Variants in CEP57L1 observed in about 807,000 individuals in gnomAD.
CEP57L1 encodes the protein centrosomal protein 57 like 1.
A neutral mutation model predicts 61.0 loss-of-function variants in CEP57L1; 37 were observed. That is an observed-to-expected ratio of 0.61 (90% CI 0.47 to 0.80). The LOEUF is 0.80. Among genes scored for constraint, CEP57L1 ranks in the 30% least tolerant of loss-of-function variants. CEP57L1 has a pLI of 0.00. For synonymous variants in CEP57L1, 137 were observed against 162.3 expected (o/e 0.84, Z 1.19); for missense variants, 422 against 524.7 (o/e 0.80, Z 1.91).
At chr6:109,121,386 A>G (rs2114699595) in intron 1 of CEP57L1, among the ~76,000 whole-genome samples, 1 of 152,334 alleles carries the variant, frequency 6.6e-6, no homozygotes, top group East Asian at 1.9e-4. Context: ...GTATGTTTGA[A>G]TTAAGAAAAG....
chr6:109,150,395 A>G (rs978618815), intron 4 of CEP57L1, among the ~76,000 whole-genome samples, 156 bp downstream of exon 4: 2 of 152,208 alleles, frequency 1.3e-5, no homozygotes, highest in Non-Finnish European at 2.9e-5. Context: ...GGAAAGGAAA[A>G]TGGGGAAAAG....
At chr6:109,118,595 T>C (rs1772582516) in intron 1 of CEP57L1, among the ~76,000 whole-genome samples, 1 of 152,212 alleles carries the variant, frequency 6.6e-6, no homozygotes. Flanking sequence ...AACGTCACTG[T>C]AGTTAACATA....
chr6:109,131,513 C>A (rs1171092667), intron 1 of CEP57L1, among the ~76,000 whole-genome samples: 2 of 151,450 alleles, frequency 1.3e-5, no homozygotes, highest in Non-Finnish European at 2.9e-5. Context: ...TTTTTTGAAG[C>A]CTAAGTATCA....
chr6:109,113,231 T>C (rs1771882722), intron 1 of CEP57L1, among the ~76,000 whole-genome samples: 1 of 152,188 alleles, frequency 6.6e-6, no homozygotes, highest in Non-Finnish European at 1.5e-5. Flanking sequence ...TCTTTATTTC[T>C]TTAAGCCAAT....
rs1315732133 is a variant in CEP57L1 at position 109,100,628 on chromosome 6, T to C, written c.-4+5053T>C. Among the ~76,000 whole-genome samples the C allele has an allele frequency of 7.2e-5, 10 of 138,094 alleles. No individual in the cohort carries two copies. The Admixed American group carries it at 7.6e-4, about 11-fold the overall frequency. The allele number at this position is 138,094 out of a possible 152,430, so 90.6% of individuals were successfully genotyped here. On this transcript the variant is annotated intron_variant, in intron 1 of 10. Coordinates refer to ENST00000517392, the MANE Select transcript of CEP57L1 (RefSeq NM_001271852.3). ...AGGCAGAGGTTGCAGTGAGCTGAGA[T>C]CGTTCCATTGCACTCTAGCCTGAGT...
In CEP57L1 at chr6:109,163,032, G is replaced by C. The variant is rs986708885; in HGVS notation, c.*62G>C. On this transcript the variant is annotated 3_prime_UTR_variant, in exon 11 of 11. Coordinates refer to ENST00000517392, the MANE Select transcript of CEP57L1 (RefSeq NM_001271852.3). ...AGTGAGACCTTGAATTGTCTAAAGT[G>C]GTTTTAATTTAATATAACTTTGTGA... is the stretch of plus-strand genomic sequence containing the variant. The C allele has an allele frequency of 9.8e-7, 1 of 1,023,348 alleles. No individual in the cohort carries two copies. Among genetic ancestry groups the C allele is most frequent in the Non-Finnish European group, 1.5e-6 (1 of 680,112 alleles). 63.4% of individuals were successfully genotyped at this position (1,023,348 alleles called of 1,614,324 possible).
intron 1 of CEP57L1, among the ~76,000 whole-genome samples, chr6:109,116,655 A>G (rs559772177): frequency 4.6e-5 from 7 of 152,316 alleles, no homozygotes; most frequent in Non-Finnish European, 7.4e-5. Flanking sequence ...GACTGGAGAA[A>G]TAATCTCAAG....
chr6:109,128,747 C>T (rs960380652), intron 1 of CEP57L1, among the ~76,000 whole-genome samples: 2 of 152,288 alleles, frequency 1.3e-5, no homozygotes, highest in South Asian at 2.1e-4. Flanking sequence ...GATCTATCAT[C>T]GTTCTCAATG....
At chr6:109,149,648 C>A (rs1398163306) in intron 3 of CEP57L1, among the ~76,000 whole-genome samples, 1 of 151,964 alleles carries the variant, frequency 6.6e-6, no homozygotes, top group East Asian at 1.9e-4. Flanking sequence ...TTTTCCAATT[C>A]TGTGAAGAAA....
chr6:109,145,193 C>CTATAT (rs111239236), intron 1 of CEP57L1, 26 bp from the exon 2 acceptor site: 488,667 of 1,376,914 alleles, frequency 0.35, 95,820 homozygotes, highest in African/African-American at 0.76. Context: ...AAGCATGATA[C>CTATAT]TATATCATTC....
rs1774075281 is a variant in CEP57L1, at chr6:109,165,967, A to G, written c.*2997A>G. ...TGTAATTAGAAATTGAAATAATGGA[A>G]TTGGAATTTTCTAGCCAAGGCAGGT... is the stretch of plus-strand genomic sequence containing the variant. On this transcript the variant is annotated 3_prime_UTR_variant, in exon 11 of 11. Coordinates refer to ENST00000517392, the MANE Select transcript of CEP57L1 (RefSeq NM_001271852.3). The G allele has an allele frequency of 6.6e-6, 1 of 152,228 alleles. No homozygotes were observed. The highest frequency in any genetic ancestry group is 2.4e-5 in the African/African-American group (1 of 41,458). The allele number at this position is 152,228 out of a possible 1,614,324, so 9.4% of individuals were successfully genotyped here.
At chr6:109,153,973 C>A in intron 5 of CEP57L1, 24 bp downstream of exon 5, 2 of 1,176,054 alleles carry the variant, frequency 1.7e-6, no homozygotes, top group African/African-American at 1.5e-5. Flanking sequence ...GAAGTGATGA[C>A]AACAGGAATG....
At chr6:109,132,866 C>T (rs557077391) in intron 1 of CEP57L1, among the ~76,000 whole-genome samples, 93 of 152,110 alleles carry the variant, frequency 6.1e-4, no homozygotes, top group Non-Finnish European at 1.2e-3. Context: ...GGTTGAGCAT[C>T]TTTTCCTATA....
At chr6:109,126,994 C>T (rs973274521) in intron 1 of CEP57L1, among the ~76,000 whole-genome samples, 3 of 151,962 alleles carry the variant, frequency 2.0e-5, no homozygotes, top group Non-Finnish European at 1.5e-5. Flanking sequence ...GGTGAAACCC[C>T]GTCTCTACTA....
At chr6:109,154,821 A>G (rs1253278192) in intron 5 of CEP57L1, among the ~76,000 whole-genome samples, 1 of 152,078 alleles carries the variant, frequency 6.6e-6, no homozygotes, top group Non-Finnish European at 1.5e-5. Flanking sequence ...TCTTCTCCCA[A>G]AAGTACACTC....
In CEP57L1 at chr6:109,174,151, A is replaced by G. The variant is rs962258397; in HGVS notation, c.*11181A>G. ...AAACCATCTCCAATGAAGCAGTGTT[A>G]GGAGATAGGGCCTAATGGATATAAA... On this transcript the variant is annotated 3_prime_UTR_variant, in exon 11 of 11. Coordinates refer to ENST00000517392, the MANE Select transcript of CEP57L1 (RefSeq NM_001271852.3). 6.6e-6 allele frequency among the ~76,000 whole-genome samples: 1 copy of G among 151,738 alleles called. No individual in the cohort carries two copies. Among genetic ancestry groups the G allele is most frequent in the Non-Finnish European group, 1.5e-5 (1 of 67,942 alleles).
intron 1 of CEP57L1, among the ~76,000 whole-genome samples, chr6:109,127,501 C>T (rs1773692397): frequency 6.6e-6 from 1 of 151,692 alleles, no homozygotes; most frequent in Non-Finnish European, 1.5e-5. Flanking sequence ...TTTGTTACCA[C>T]TTTCTCCTGC....
intron 1 of CEP57L1, among the ~76,000 whole-genome samples, chr6:109,111,245 C>T (rs577046236): frequency 3.9e-5 from 6 of 152,176 alleles, no homozygotes; most frequent in Admixed American, 3.9e-4. Flanking sequence ...CGTTTACATC[C>T]CTTGTAAGTT....
Position 109,154,045 on chromosome 6 carries a change from A to G in CEP57L1, c.579+96A>G, listed in dbSNP as rs560887951. ...AATGTAGAGTAAATCTTAGATTTAT[A>G]AAACTTCATTTACAACTTTTTATAA... On this transcript the variant is annotated intron_variant, in intron 5 of 10. Coordinates refer to ENST00000517392, the MANE Select transcript of CEP57L1 (RefSeq NM_001271852.3). The G allele has an allele frequency of 4.2e-6, 3 of 720,010 alleles. No homozygotes were observed. In the African/African-American group the frequency reaches 5.5e-5, roughly 13 times the overall value. The allele number at this position is 720,010 out of a possible 1,614,324, so 44.6% of individuals were successfully genotyped here.
Sources: allele counts gnomAD v4.1 joint callset (sites outside exome capture counted in the v4.1 genomes callset), GRCh38; gene constraint gnomAD v4.1.1; transcripts MANE v1.5; gene names NCBI Gene and HGNC (gene_info 2026-07-23, HGNC 2026-07-21).